CTNNA2: variants seen among roughly 807,000 people sequenced by gnomAD.
CTNNA2 encodes the protein catenin alpha 2.
CTNNA2 carries 42 observed loss-of-function variants against 101.0 expected under a neutral mutation model. The ratio of observed to expected loss-of-function variants is 0.42; its 90% CI spans 0.32 to 0.54. CTNNA2 has a LOEUF of 0.54. CTNNA2 is among the 20% of genes least tolerant of loss of function. The pLI is 0.14. For missense variants in CTNNA2, 871 were observed against 1,223.1 expected (o/e 0.71, Z 4.29); for synonymous variants, 450 against 456.4 (o/e 0.99, Z 0.18).
At chr2:80,457,360 G>A (rs1009967195) in intron 9 of CTNNA2, among the ~76,000 whole-genome samples, 2 of 151,952 alleles carry the variant, frequency 1.3e-5, no homozygotes, top group African/African-American at 2.4e-5. Flanking sequence ...CACTGTGCCC[G>A]ACTGATCGTT....
intron 7 of CTNNA2, among the ~76,000 whole-genome samples, chr2:80,124,586 A>G (rs1702017732): frequency 6.6e-6 from 1 of 152,176 alleles, no homozygotes; most frequent in Admixed American, 6.5e-5. Context: ...CGTATATAGT[A>G]CAAAGGTTGA....
At chr2:79,627,472 C>A (rs935198794) in intron 1 of CTNNA2, among the ~76,000 whole-genome samples, 3 of 152,188 alleles carry the variant, frequency 2.0e-5, no homozygotes, top group African/African-American at 7.2e-5. Flanking sequence ...AGCAGATTTC[C>A]TGTCCTGCGT....
chr2:80,329,860 A>G (rs1402954304), intron 7 of CTNNA2, among the ~76,000 whole-genome samples: 1 of 152,212 alleles, frequency 6.6e-6, no homozygotes, highest in Non-Finnish European at 1.5e-5. Flanking sequence ...CTAGATATAG[A>G]TCCACTCTGG....
At chr2:80,095,628 G>C (rs1437997984) in intron 7 of CTNNA2, among the ~76,000 whole-genome samples, 1 of 152,160 alleles carries the variant, frequency 6.6e-6, no homozygotes, top group East Asian at 1.9e-4. Flanking sequence ...GAATCCGTCT[G>C]GTCCTGGACT....
At chr2:79,916,092 C>G (rs1039972968) in intron 7 of CTNNA2, among the ~76,000 whole-genome samples, 3 of 152,178 alleles carry the variant, frequency 2.0e-5, no homozygotes, top group Admixed American at 1.3e-4. Context: ...TTCTCTCCTT[C>G]CTATTATTAT....
intron 1 of CTNNA2, among the ~76,000 whole-genome samples, chr2:79,562,885 ATGTC>A (rs1171330353): frequency 6.6e-6 from 1 of 151,606 alleles, no homozygotes; most frequent in Non-Finnish European, 1.5e-5. Flanking sequence ...GTGTGTGTGT[ATGTC>A]TGTGTGTGTC....
chr2:80,397,751 A>T (rs1001460998), intron 8 of CTNNA2, among the ~76,000 whole-genome samples: 1 of 152,142 alleles, frequency 6.6e-6, no homozygotes, highest in Admixed American at 6.6e-5. Flanking sequence ...ACAGACCAGT[A>T]CAGCACCCAT....
intron 9 of CTNNA2, among the ~76,000 whole-genome samples, chr2:80,485,926 T>G (rs1686544400): frequency 6.6e-6 from 1 of 152,222 alleles, no homozygotes; most frequent in Non-Finnish European, 1.5e-5. Context: ...CAAGTTAAGC[T>G]TTAGGAGTCT....
chr2:79,460,252 A>G (rs1670864878), intron 4 of CTNNA2, among the ~76,000 whole-genome samples: 1 of 152,174 alleles, frequency 6.6e-6, no homozygotes, highest in South Asian at 2.1e-4. Context: ...TTTGTTACAC[A>G]TATACACCAT....
intron 3 of CTNNA2, among the ~76,000 whole-genome samples, chr2:79,840,896 A>C (rs939643485): frequency 2.6e-5 from 4 of 151,970 alleles, no homozygotes; most frequent in Non-Finnish European, 5.9e-5. Flanking sequence ...CAGCCTCCCG[A>C]GTAGCTGGGA....
intron 1 of CTNNA2, among the ~76,000 whole-genome samples, chr2:79,570,255 G>T (rs979071599): frequency 6.6e-6 from 1 of 152,084 alleles, no homozygotes; most frequent in Non-Finnish European, 1.5e-5. Flanking sequence ...TATTCCTCTT[G>T]CAGCCAGTTT....
intron 9 of CTNNA2, among the ~76,000 whole-genome samples, chr2:80,472,724 G>A (rs190331745): frequency 3.7e-4 from 56 of 152,272 alleles, no homozygotes; most frequent in Non-Finnish European, 7.2e-4. Flanking sequence ...CTAGGGTGGG[G>A]AGAGATGGAG....
At chr2:79,300,840 C>T (rs1676092348) in intron 2 of CTNNA2, among the ~76,000 whole-genome samples, 1 of 152,108 alleles carries the variant, frequency 6.6e-6, no homozygotes, top group South Asian at 2.1e-4. Context: ...AATCTTATGT[C>T]AGTCTTCTGC....
intron 9 of CTNNA2, among the ~76,000 whole-genome samples, chr2:80,459,328 C>A (rs1044188538): frequency 6.6e-6 from 1 of 152,150 alleles, no homozygotes; most frequent in Non-Finnish European, 1.5e-5. Context: ...AACCACTATA[C>A]AAGTTGACCT....
At chr2:80,423,453 A>AT (rs1049893808) in intron 9 of CTNNA2, among the ~76,000 whole-genome samples, 9 of 152,076 alleles carry the variant, frequency 5.9e-5, no homozygotes, top group African/African-American at 2.2e-4. Context: ...TTTCTAGTTG[A>AT]TTCTTTTTTA....
At chr2:80,447,319 G>T (rs977454654) in intron 9 of CTNNA2, among the ~76,000 whole-genome samples, 1 of 152,078 alleles carries the variant, frequency 6.6e-6, no homozygotes, top group Non-Finnish European at 1.5e-5. Context: ...CGTACATTTG[G>T]TCCATGAAAC....
chr2:79,254,387 C>A (rs183840543), intron 2 of CTNNA2, among the ~76,000 whole-genome samples: 28 of 152,174 alleles, frequency 1.8e-4, no homozygotes, highest in African/African-American at 6.3e-4. Context: ...TGGTTTAGCA[C>A]CATCCTTTCC....
intron 7 of CTNNA2, among the ~76,000 whole-genome samples, chr2:80,009,782 A>T (rs543285724): frequency 6.8e-6 from 1 of 146,542 alleles, no homozygotes; most frequent in East Asian, 2.1e-4. Context: ...GACAGAGATT[A>T]AGACAATACA....
intron 7 of CTNNA2, among the ~76,000 whole-genome samples, chr2:80,348,639 T>C (rs891240668): frequency 6.6e-6 from 1 of 152,160 alleles, no homozygotes; most frequent in Non-Finnish European, 1.5e-5. Flanking sequence ...TTCTGGTTTA[T>C]TTTTGTGTAG....
Sources: gnomAD v4.1 joint callset for allele counts (sites outside exome capture counted in the v4.1 genomes callset) on GRCh38, gnomAD v4.1.1 for gene constraint, MANE v1.5 for transcripts, NCBI Gene and HGNC (gene_info 2026-07-23, HGNC 2026-07-21) for gene names.